The following FAM168A variants were observed in gnomAD, a reference collection of about 807,000 sequenced individuals.
FAM168A encodes family with sequence similarity 168 member A.
In FAM168A, 3 loss-of-function variants were observed where a neutral mutation model predicts 28.5. That is an observed-to-expected ratio of 0.11 (90% CI 0.05 to 0.27). The LOEUF (loss-of-function observed/expected upper bound fraction) is 0.27. Ranked by LOEUF, FAM168A falls within the 10% of genes least tolerant of loss-of-function variation. The pLI is 1.00. For synonymous variants in FAM168A, 122 were observed against 124.2 expected (o/e 0.98, Z 0.12); for missense variants, 222 against 311.5 (o/e 0.71, Z 2.16).
chr11:73,530,181 G>C (rs1943499612), intron 1 of FAM168A, among the ~76,000 whole-genome samples: 1 of 152,118 alleles, frequency 6.6e-6, no homozygotes, highest in African/African-American at 2.4e-5. Context: ...ACACTACCAA[G>C]TTCATGGTGC....
At chr11:73,515,431 C>T (rs1943288408) in intron 1 of FAM168A, among the ~76,000 whole-genome samples, 1 of 151,180 alleles carries the variant, frequency 6.6e-6, no homozygotes, top group Non-Finnish European at 1.5e-5. Context: ...TCACCTGAAC[C>T]CGAGAGGCAG....
chr11:73,433,751 C>G (rs1457292871), intron 2 of FAM168A, among the ~76,000 whole-genome samples: 1 of 150,098 alleles, frequency 6.7e-6, no homozygotes, highest in Non-Finnish European at 1.5e-5. Flanking sequence ...TAATAGCTAA[C>G]AAACTAAAAT....
intron 1 of FAM168A, among the ~76,000 whole-genome samples, chr11:73,540,193 G>GA (rs1272745765): frequency 1.3e-5 from 2 of 151,764 alleles, no homozygotes; most frequent in Non-Finnish European, 2.9e-5. Context: ...AAAACAAACT[G>GA]AAAAAACAAA....
chr11:73,411,282 A>C, intron 5 of FAM168A, 112 bp downstream of exon 5: 1 of 1,244,286 alleles, frequency 8.0e-7, no homozygotes, highest in Non-Finnish European at 1.1e-6. Context: ...ACGGCTAGCC[A>C]GAGCCACAAA....
At chr11:73,492,078 T>C (rs1275786309) in intron 1 of FAM168A, among the ~76,000 whole-genome samples, 1 of 152,214 alleles carries the variant, frequency 6.6e-6, no homozygotes, top group Non-Finnish European at 1.5e-5. Flanking sequence ...TATTAGCATC[T>C]ACTTTACAAA....
At chr11:73,488,974 C>T (rs1371453090) in intron 1 of FAM168A, among the ~76,000 whole-genome samples, 1 of 152,066 alleles carries the variant, frequency 6.6e-6, no homozygotes, top group South Asian at 2.1e-4. Flanking sequence ...CTGCAACCTC[C>T]GCCTCCCAGG....
intron 2 of FAM168A, among the ~76,000 whole-genome samples, chr11:73,454,663 C>A (rs1276181548): frequency 6.6e-6 from 1 of 152,222 alleles, no homozygotes; most frequent in East Asian, 1.9e-4. Flanking sequence ...CATGGTCCCA[C>A]CCCATCCTGT....
intron 1 of FAM168A, among the ~76,000 whole-genome samples, chr11:73,544,722 T>A (rs1157997605): frequency 3.5e-5 from 4 of 115,580 alleles, no homozygotes; most frequent in Non-Finnish European, 4.8e-5. Context: ...ATTATATATT[T>A]TATATGTAAT....
intron 1 of FAM168A, among the ~76,000 whole-genome samples, chr11:73,577,138 A>G (rs183624863): frequency 1.3e-5 from 2 of 152,226 alleles, no homozygotes; most frequent in Admixed American, 6.5e-5. Context: ...AAATCTACCA[A>G]TTTTGGAAAT....
Position 73,459,553 on chromosome 11 carries a change from G to A in FAM168A, c.70+8852C>T, listed in dbSNP as rs574838971. 6.6e-5 allele frequency among the ~76,000 whole-genome samples: 10 copies of A among 152,074 alleles called. No homozygotes were observed. The South Asian group carries it at 2.1e-3, about 32-fold the overall frequency. ...AGGTCACACTATGTTGCACAGGCTGGTCACATTTTGTTTTTAAAAGTCAAA... is the reference window on the plus strand; with the variant it reads ...AGGTCACACTATGTTGCACAGGCTGATCACATTTTGTTTTTAAAAGTCAAA... On this transcript the variant is annotated intron_variant, in intron 2 of 7. Coordinates refer to ENST00000356467, the MANE Select transcript of FAM168A (RefSeq NM_015159.3).
intron 1 of FAM168A, among the ~76,000 whole-genome samples, chr11:73,545,015 T>TAATATATTATATA: frequency 1.1e-5 from 1 of 89,958 alleles, no homozygotes; most frequent in African/African-American, 7.2e-5. Flanking sequence ...ATACTATATA[T>TAATATATTATATA]ATAGTATATA....
intron 1 of FAM168A, among the ~76,000 whole-genome samples, chr11:73,550,078 T>C (rs1003413685): frequency 6.6e-6 from 1 of 152,222 alleles, no homozygotes; most frequent in African/African-American, 2.4e-5. Context: ...TAAATATATA[T>C]GAATGAACAT....
rs189813405 is a variant in FAM168A at position 73,442,348 on chromosome 11, G to A, written c.71-11578C>T. On this transcript the variant is annotated intron_variant, in intron 2 of 7. Coordinates refer to ENST00000356467, the MANE Select transcript of FAM168A (RefSeq NM_015159.3). ...TCGCCGTGTTAGCCAGGATGGTCTC[G>A]ATCTCCTGACCTCATGATCCGTCTG... Among the ~76,000 whole-genome samples the A allele has an allele frequency of 6.6e-4, 100 of 151,990 alleles. No individual in the cohort carries two copies. The East Asian group carries it at 0.016, about 25-fold the overall frequency.
intron 1 of FAM168A, chr11:73,580,173 C>T: frequency 2.5e-6 from 1 of 406,650 alleles, no homozygotes; most frequent in South Asian, 1.9e-5. Flanking sequence ...GAGAACGACC[C>T]CCAGACCAAC....
At chr11:73,509,927 C>CT (rs1251773643) in intron 1 of FAM168A, among the ~76,000 whole-genome samples, 1 of 152,152 alleles carries the variant, frequency 6.6e-6, no homozygotes, top group Non-Finnish European at 1.5e-5. Context: ...CAGAGATCCC[C>CT]TTTTCACCTT....
In FAM168A at chr11:73,597,193, A is replaced by G. The variant is rs186211070; in HGVS notation, c.-19+730T>C. On this transcript the variant is annotated intron_variant, in intron 1 of 7. Coordinates refer to ENST00000356467, the MANE Select transcript of FAM168A (RefSeq NM_015159.3). ...TCACACTCCCCTCACTGAATGTCCC[A>G]CCTCCACCAACTCCTATTCCAACCT... Among the ~76,000 whole-genome samples, 26 of 151,090 alleles carry G rather than the reference A, an allele frequency of 1.7e-4. No homozygotes were observed. The East Asian group carries it at 4.9e-3, about 28-fold the overall frequency.
At chr11:73,544,964 A>T (rs566144757) in intron 1 of FAM168A, among the ~76,000 whole-genome samples, 1 of 90,054 alleles carries the variant, frequency 1.1e-5, no homozygotes, top group Non-Finnish European at 1.8e-5. Context: ...ATTATATATA[A>T]TATATATTAT....
At chr11:73,473,181 G>C (rs1275314715) in intron 1 of FAM168A, among the ~76,000 whole-genome samples, 1 of 152,006 alleles carries the variant, frequency 6.6e-6, no homozygotes, top group Non-Finnish European at 1.5e-5. Context: ...TTACAGATAA[G>C]TAAACTTAAG....
chr11:73,566,602 C>A (rs1027162514), intron 1 of FAM168A, among the ~76,000 whole-genome samples: 2 of 152,052 alleles, frequency 1.3e-5, no homozygotes, highest in South Asian at 4.1e-4. Flanking sequence ...TGTTGGGAAG[C>A]AACTCAGGAA....
Sources: gnomAD v4.1 joint callset for allele counts (sites outside exome capture counted in the v4.1 genomes callset) on GRCh38, gnomAD v4.1.1 for gene constraint, MANE v1.5 for transcripts, NCBI Gene and HGNC (gene_info 2026-07-23, HGNC 2026-07-21) for gene names.